The following PKHD1L1 variants were observed in gnomAD, a reference collection of about 807,000 sequenced individuals.
PKHD1L1 encodes the protein fibrocystin-L.
PKHD1L1 carries 434 observed loss-of-function variants against 462.9 expected under a neutral mutation model. That is an observed-to-expected ratio of 0.94 (90% CI 0.87 to 1.02). PKHD1L1 has a LOEUF of 1.02. Ranked by LOEUF, PKHD1L1 falls within the 50% of genes least tolerant of loss-of-function variation. The pLI is 0.00. For missense variants in PKHD1L1, 5,202 were observed against 5,096.1 expected, an observed-to-expected ratio of 1.02 and a Z score of -0.63; for synonymous variants, 1,781 against 1,750.0, an observed-to-expected ratio of 1.02 and a Z score of -0.44.
Position 109,535,149 on chromosome 8 carries a change from A to T in PKHD1L1, c.*5059A>T, listed in dbSNP as rs1821119803. ...GTAGCAGTGTATAAAATTCACACCC[A>T]GTTATAGACTGAGTAATTATAGTTG... is the stretch of plus-strand genomic sequence containing the variant. On this transcript the variant is annotated 3_prime_UTR_variant, in exon 78 of 78. Transcript: ENST00000378402. Among the ~76,000 whole-genome samples, 1 of 152,112 alleles carries T rather than the reference A, an allele frequency of 6.6e-6. No homozygotes were observed. Among genetic ancestry groups the T allele is most frequent in the Admixed American group, 6.5e-5 (1 of 15,272 alleles).
intron 65 of PKHD1L1, among the ~76,000 whole-genome samples, chr8:109,498,049 A>T (rs1282794646): frequency 6.8e-6 from 1 of 146,836 alleles, no homozygotes; most frequent in Non-Finnish European, 1.5e-5. Flanking sequence ...CATTTTATTT[A>T]CTACAGTAGA....
At chr8:109,493,799 C>A (rs747712012) in intron 63 of PKHD1L1, 48 bp downstream of exon 63, 46 of 1,267,246 alleles carry the variant, frequency 3.6e-5, no homozygotes, top group Non-Finnish European at 4.6e-5. Context: ...ATAACTTGTA[C>A]AAAATTGTTA....
At chr8:109,515,419 C>A in intron 72 of PKHD1L1, 114 bp downstream of exon 72, 1 of 930,070 alleles carries the variant, frequency 1.1e-6, no homozygotes, top group African/African-American at 1.7e-5. Flanking sequence ...GAGAAGAAAA[C>A]AAGTTTTTAG....
chr8:109,450,466 C>T (rs543255481), intron 40 of PKHD1L1, among the ~76,000 whole-genome samples: 1 of 152,126 alleles, frequency 6.6e-6, no homozygotes, highest in South Asian at 2.1e-4. Flanking sequence ...GAGTTTGAAT[C>T]CTGATTAAAA....
chr8:109,463,476 T>A (rs61599029), intron 48 of PKHD1L1, among the ~76,000 whole-genome samples: 243 of 152,298 alleles, frequency 1.6e-3, no homozygotes, highest in African/African-American at 5.0e-3. Flanking sequence ...TAATGGTTAA[T>A]TTTTAGCTTT....
At chr8:109,524,768 G>A (rs1343886876) in intron 76 of PKHD1L1, among the ~76,000 whole-genome samples, 4 of 151,964 alleles carry the variant, frequency 2.6e-5, no homozygotes, top group African/African-American at 9.6e-5. Flanking sequence ...CTTCACCTGT[G>A]TGTTTCCTTT....
chr8:109,522,384 A>G (rs1191616831), intron 74 of PKHD1L1, 47 bp downstream of exon 74: 3 of 1,448,554 alleles, frequency 2.1e-6, no homozygotes, highest in Non-Finnish European at 2.8e-6. Flanking sequence ...GACTTAAAAT[A>G]TCATTACTTA....
chr8:109,371,517 C>T (rs1406607708), intron 2 of PKHD1L1, among the ~76,000 whole-genome samples: 4 of 150,154 alleles, frequency 2.7e-5, no homozygotes, highest in Admixed American at 1.3e-4. Context: ...AATTAGATCC[C>T]ATTTGTCAAT....
rs1484917479 is a variant in PKHD1L1, at chr8:109,422,379, C to A, written c.2697+1689C>A. 2.6e-5 allele frequency among the ~76,000 whole-genome samples: 4 copies of A among 152,156 alleles called. No individual in the cohort carries two copies. In the East Asian group the frequency reaches 7.7e-4, roughly 29 times the overall value. ...CATCTCCCTCGTTCCATTCCTCCTG[C>A]ACTCACTTATATATGGCAACCACAA... On this transcript the variant is annotated intron_variant, in intron 23 of 77. Coordinates refer to ENST00000378402, the MANE Select transcript of PKHD1L1 (RefSeq NM_177531.6).
Position 109,477,303 on chromosome 8 carries a change from A to C in PKHD1L1, c.8996A>C (p.Asn2999Thr), listed in dbSNP as rs370412895. 3 of 1,613,522 alleles carry C rather than the reference A, an allele frequency of 1.9e-6. No homozygotes were observed. Among genetic ancestry groups the C allele is most frequent in the Non-Finnish European group, 2.5e-6 (3 of 1,179,648 alleles). The change falls in exon 53 of 78, where the codon AAT (asparagine) becomes ACT (threonine). Residue 2999 changes from asparagine to threonine, a missense_variant. Transcript: ENST00000378402. ...LDPDVKDVVI[N>T]FQAYCCILQD... Reference sequence around the variant, plus strand: ...CCTGATGTGAAAGACGTTGTTATTAATTTCCAAGCTTACTGTTGTATTCTC... The same window carrying C: ...CCTGATGTGAAAGACGTTGTTATTACTTTCCAAGCTTACTGTTGTATTCTC...
intron 71 of PKHD1L1, among the ~76,000 whole-genome samples, chr8:109,511,725 G>C (rs993853830): frequency 6.6e-6 from 1 of 152,096 alleles, no homozygotes; most frequent in Non-Finnish European, 1.5e-5. Context: ...TGGGATGGCT[G>C]GGTCAAATGG....
intron 68 of PKHD1L1, 119 bp from the exon 69 acceptor site, chr8:109,507,544 T>A (rs2130976488): frequency 7.2e-6 from 6 of 829,810 alleles, no homozygotes; most frequent in Middle Eastern, 6.7e-4. Flanking sequence ...CACTTTGAAA[T>A]CTCTCTGAAA....
In PKHD1L1 at chr8:109,471,943, A is replaced by G. The variant is rs192846031; in HGVS notation, c.8606-3175A>G. Among the ~76,000 whole-genome samples the G allele has an allele frequency of 3.5e-3, 528 of 152,272 alleles. 1 individual carries two copies. The highest frequency in any genetic ancestry group is 5.7e-3 in the Non-Finnish European group (388 of 67,998). On this transcript the variant is annotated intron_variant, in intron 50 of 77. Coordinates refer to ENST00000378402, the MANE Select transcript of PKHD1L1 (RefSeq NM_177531.6). ...CAGCTTATCCTAAGGCTGTCCACAT[A>G]CTTAATTTACTTAAGTGTTCATTTT...
Position 109,445,153 on chromosome 8 carries a change from T to A in PKHD1L1, c.5284T>A (p.Ser1762Thr). The A allele has an allele frequency of 6.2e-7, 1 of 1,613,890 alleles. No individual in the cohort carries two copies. Among genetic ancestry groups the A allele is most frequent in the South Asian group, 1.1e-5 (1 of 91,086 alleles). The change falls in exon 38 of 78, where the codon TCT becomes ACT. Residue 1762 changes from serine (S) to threonine (T), a missense_variant. By Grantham distance (58) the Ser-to-Thr change is moderately conservative (BLOSUM62 1). Around this residue, in one of 3 missense-constraint regions of PKHD1L1, gnomAD observed 4,497 missense variants for 4,336.8 expected, o/e 1.04. Transcript: ENST00000378402. ...TGVFPNSVIG[S>T]VKVLIEGEGL... ...AGTCTTCCCAAACTCTGTCATAGGA[T>A]CTGTAAAAGTTCTTATTGAAGGAGA...
At chr8:109,399,755 C>T (rs1813175407) in intron 12 of PKHD1L1, among the ~76,000 whole-genome samples, 1 of 152,038 alleles carries the variant, frequency 6.6e-6, no homozygotes, top group Admixed American at 6.6e-5. Context: ...TATATATTAT[C>T]TTACATAAAG....
rs375475773 is a variant in PKHD1L1, at chr8:109,466,581, A to G, written c.8417A>G (p.His2806Arg). ...ATTTTGTTTGTTTGTTTCCCAGGGCACAAAGGACATACCGTCATTCCACAC... is the reference window on the plus strand; with the variant it reads ...ATTTTGTTTGTTTGTTTCCCAGGGCGCAAAGGACATACCGTCATTCCACAC... ...MIDVDGSLTG[H>R]KGHTVIPHSS... The change falls in exon 50 of 78, where the codon CAC (histidine) becomes CGC (arginine). Residue 2806 changes from histidine (H) to arginine (R), a missense_variant. By Grantham distance (29) the His-to-Arg change is conservative (BLOSUM62 0). Around this residue, in one of 3 missense-constraint regions of PKHD1L1, gnomAD observed 4,497 missense variants for 4,336.8 expected, o/e 1.04. Transcript: ENST00000378402. 93 of 1,580,524 alleles carry G rather than the reference A, an allele frequency of 5.9e-5. No homozygotes were observed. Among genetic ancestry groups the G allele is most frequent in the South Asian group, 9.3e-5 (8 of 85,738 alleles).
At chr8:109,508,019 C>A in intron 69 of PKHD1L1, 78 bp from the exon 70 acceptor site, 1 of 1,489,454 alleles carries the variant, frequency 6.7e-7, no homozygotes, top group South Asian at 1.3e-5. Context: ...ACTAGCATAA[C>A]AAGAAATAGA....
At chr8:109,524,840 T>C (rs55881558) in intron 76 of PKHD1L1, among the ~76,000 whole-genome samples, 2,012 of 133,164 alleles carry the variant, frequency 0.015, 27 homozygotes, top group Middle Eastern at 0.055. Flanking sequence ...TCCCTCCTTC[T>C]GTCCTTCCTT....
intron 2 of PKHD1L1, among the ~76,000 whole-genome samples, chr8:109,365,945 G>A (rs547027645): frequency 6.6e-6 from 1 of 152,318 alleles, no homozygotes; most frequent in South Asian, 2.1e-4. Context: ...CTGTACTCCA[G>A]CCTGGCGACA....
Sources: allele counts gnomAD v4.1 joint callset (sites outside exome capture counted in the v4.1 genomes callset), GRCh38; gene constraint gnomAD v4.1.1; regional missense constraint gnomAD v4.1.1; transcripts MANE v1.5; gene names NCBI Gene and HGNC (gene_info 2026-07-23, HGNC 2026-07-21).